Variants in PREX1 observed in about 807,000 individuals in gnomAD.
PREX1 encodes the protein phosphatidylinositol-3,4,5-trisphosphate dependent Rac exchange factor 1.
In PREX1, 41 loss-of-function variants were observed where a neutral mutation model predicts 198.3. That is an observed-to-expected ratio of 0.21 (90% confidence interval 0.16 to 0.27). The LOEUF is 0.27. Among genes scored for constraint, PREX1 ranks in the 10% least tolerant of loss-of-function variants. PREX1 has a pLI of 1.00. For missense variants in PREX1, 1,620 were observed against 2,200.7 expected (o/e 0.74, Z 5.28); for synonymous variants, 843 against 887.2 (o/e 0.95, Z 0.89).
Position 48,708,336 on chromosome 20 carries a change from T to A in PREX1, c.707A>T (p.Asn236Ile). 2 of 1,614,126 alleles carry A rather than the reference T, an allele frequency of 1.2e-6. No homozygotes were observed. Among genetic ancestry groups the A allele is most frequent in the Non-Finnish European group, 1.7e-6 (2 of 1,180,030 alleles). ...CATCTGCCGCTTGGTCTCATTGATGTTGGAGCAAACGGTCTTCATGGCCTG... is the reference window on the plus strand; with the variant it reads ...CATCTGCCGCTTGGTCTCATTGATGATGGAGCAAACGGTCTTCATGGCCTG... ...ALQAMKTVCS[N>I]INETKRQMEK... The change falls in exon 6 of 40, where the codon AAC becomes ATC. Residue 236 changes from asparagine (N) to isoleucine (I), a missense_variant. Transcript: ENST00000371941.
At chr20:48,888,164 T>C in the PREX1 span, among the ~76,000 whole-genome samples, 1 of 152,010 alleles carries the variant, frequency 6.6e-6, no homozygotes, top group East Asian at 1.9e-4. Flanking sequence ...TCTTACATGG[T>C]GGCCGCAAGA....
At chr20:48,630,603 A>G in intron 36 of PREX1, 125 bp downstream of exon 36, 1 of 716,608 alleles carries the variant, frequency 1.4e-6, no homozygotes, top group Non-Finnish European at 2.3e-6. Context: ...GAGAGACTGC[A>G]GGGTCTCAAG....
Position 48,653,407 on chromosome 20 carries a change from A to C in PREX1, c.2300T>G (p.Val767Gly). 2 of 1,613,914 alleles carry C rather than the reference A, an allele frequency of 1.2e-6. No individual in the cohort carries two copies. The highest frequency in any genetic ancestry group is 1.7e-6 in the Non-Finnish European group (2 of 1,179,996). The change falls in exon 20 of 40, where the codon GTC becomes GGC. Residue 767 changes from valine (V) to glycine (G), a missense_variant. Coordinates refer to ENST00000371941, the MANE Select transcript of PREX1 (RefSeq NM_020820.4). ...SNVMNDGAPE[V>G]LEHFQAFRSR... ...CCGGAATGCCTGGAAGTGCTCCAGG[A>C]CCTCAGGGGCACCATCGTTCATCAC...
In PREX1 at chr20:48,630,760, C is replaced by T; in HGVS notation, c.4561G>A (p.Asp1521Asn). ...FYLERSNLPT[D>N]ASTTAVKIDQ... ...ATCTTTACCGCCGTGGTGCTGGCAT[C>T]CGTGGGCAGGTTAGACCGCTCCAGG... The change falls in exon 36 of 40, where the codon GAT becomes AAT. Residue 1521 changes from aspartate to asparagine, a missense_variant. Physicochemically the swap from Asp to Asn is conservative, Grantham distance 23. Transcript: ENST00000371941. 1 of 1,600,708 alleles carries T rather than the reference C, an allele frequency of 6.2e-7. No homozygotes were observed. The highest frequency in any genetic ancestry group is 8.6e-7 in the Non-Finnish European group (1 of 1,167,888).
chr20:48,867,060 A>G, the PREX1 span, among the ~76,000 whole-genome samples: 1 of 152,218 alleles, frequency 6.6e-6, no homozygotes, highest in Non-Finnish European at 1.5e-5. Context: ...AAAGGAAAGT[A>G]AGGAAGGAAG....
At chr20:48,682,165 C>T (rs887688305) in intron 10 of PREX1, among the ~76,000 whole-genome samples, 4 of 152,108 alleles carry the variant, frequency 2.6e-5, no homozygotes, top group African/African-American at 9.7e-5. Context: ...TTAAAAAATA[C>T]CAGACTCCTC....
chr20:48,729,073 C>T (rs1601100482), intron 4 of PREX1, among the ~76,000 whole-genome samples: 1 of 150,260 alleles, frequency 6.7e-6, no homozygotes, highest in Non-Finnish European at 1.5e-5. Context: ...CACCCTGACT[C>T]GGCTTTTTTT....
intron 3 of PREX1, among the ~76,000 whole-genome samples, chr20:48,740,094 C>T (rs1601106694): frequency 6.6e-6 from 1 of 152,294 alleles, no homozygotes; most frequent in East Asian, 1.9e-4. Context: ...GCCAGGGCCC[C>T]TTCCTCTCCT....
intron 3 of PREX1, among the ~76,000 whole-genome samples, chr20:48,738,343 A>T (rs2223684): frequency 1.3e-5 from 2 of 152,152 alleles, no homozygotes; most frequent in Non-Finnish European, 2.9e-5. Flanking sequence ...TTCTACGACA[A>T]GGTCTGCAAT....
chr20:48,645,211 G>A (rs1175924797), intron 26 of PREX1, among the ~76,000 whole-genome samples: 1 of 152,198 alleles, frequency 6.6e-6, no homozygotes, highest in East Asian at 1.9e-4. Flanking sequence ...TATCAGTTCT[G>A]ATTTTTGCCC....
At chr20:48,766,859 T>C (rs948411639) in intron 1 of PREX1, among the ~76,000 whole-genome samples, 3 of 152,180 alleles carry the variant, frequency 2.0e-5, no homozygotes, top group African/African-American at 7.2e-5. Context: ...CCCCTTTCTC[T>C]GGGGCAGGTT....
At chr20:48,670,234 G>A (rs561548813) in intron 14 of PREX1, among the ~76,000 whole-genome samples, 24 of 152,184 alleles carry the variant, frequency 1.6e-4, no homozygotes, top group African/African-American at 2.9e-4. Context: ...TTTCTCCTGC[G>A]TCTCTTCTCC....
chr20:48,721,528 C>T (rs146393516), intron 5 of PREX1, among the ~76,000 whole-genome samples: 111 of 152,296 alleles, frequency 7.3e-4, no homozygotes, highest in African/African-American at 2.5e-3. Flanking sequence ...TTGTTGTGTT[C>T]AGAACTTCAG....
chr20:48,836,022 T>C, the PREX1 span, among the ~76,000 whole-genome samples: 18 of 152,132 alleles, frequency 1.2e-4, no homozygotes, highest in East Asian at 3.1e-3. Flanking sequence ...TAGAGTGAAA[T>C]AGAGTTAAAC....
At chr20:48,709,554 G>A (rs192543518) in intron 5 of PREX1, among the ~76,000 whole-genome samples, 8 of 152,318 alleles carry the variant, frequency 5.3e-5, no homozygotes, top group East Asian at 3.9e-4. Flanking sequence ...TTCGCCCCAC[G>A]GTTTTAAGGT....
the PREX1 span, among the ~76,000 whole-genome samples, chr20:48,875,207 TG>T: frequency 6.6e-6 from 1 of 152,190 alleles, no homozygotes; most frequent in Admixed American, 6.5e-5. Flanking sequence ...GAAGGTTTCT[TG>T]GGGAATGAAC....
At chr20:48,799,807 G>A (rs59393082) in intron 1 of PREX1, among the ~76,000 whole-genome samples, 2,748 of 152,294 alleles carry the variant, frequency 0.018, 91 homozygotes, top group African/African-American at 0.063. Context: ...CTGGGTGAGG[G>A]GGCAGGGGCT....
intron 1 of PREX1, among the ~76,000 whole-genome samples, chr20:48,816,142 C>T (rs907531007): frequency 6.6e-6 from 1 of 152,162 alleles, no homozygotes; most frequent in Non-Finnish European, 1.5e-5. Context: ...TGCCCCGTCT[C>T]GCTCAGAATG....
intron 10 of PREX1, among the ~76,000 whole-genome samples, chr20:48,686,142 G>C (rs879902391): frequency 1.3e-5 from 2 of 152,016 alleles, no homozygotes; most frequent in Non-Finnish European, 1.5e-5. Flanking sequence ...ACTGTTTCAC[G>C]GTGTTGTGTG....
Sources: allele counts gnomAD v4.1 joint callset (sites outside exome capture counted in the v4.1 genomes callset), GRCh38; gene constraint gnomAD v4.1.1; transcripts MANE v1.5; gene names NCBI Gene and HGNC (gene_info 2026-07-23, HGNC 2026-07-21).